Variants in ACP7 observed in about 807,000 individuals in gnomAD.
ACP7 encodes the protein acid phosphatase type 7.
A neutral mutation model predicts 60.6 loss-of-function variants in ACP7; 58 were observed. The ratio of observed to expected loss-of-function variants is 0.96; its 90% CI spans 0.77 to 1.19. ACP7 has a LOEUF of 1.19. Among genes scored for constraint, ACP7 ranks in the 50% most tolerant of loss-of-function variants. The pLI is 0.00. For synonymous variants in ACP7, 237 were observed against 232.6 expected (o/e 1.02, Z -0.17); for missense variants, 574 against 596.2 (o/e 0.96, Z 0.39).
chr19:39,088,933 C>CG (rs1568474424), intron 2 of ACP7, among the ~76,000 whole-genome samples: 24 of 140,720 alleles, frequency 1.7e-4, no homozygotes, highest in African/African-American at 5.6e-4. Flanking sequence ...TGTATTTTTG[C>CG]ATTTTTTTTT....
intron 2 of ACP7, among the ~76,000 whole-genome samples, chr19:39,098,228 T>C (rs371187074): frequency 1.7e-5 from 2 of 116,526 alleles, no homozygotes; most frequent in African/African-American, 6.8e-5. Context: ...TACTCCAGCC[T>C]AGGAGGCAGA....
Position 39,103,658 on chromosome 19 carries a change from C to A in ACP7, c.1113+2121C>A, listed in dbSNP as rs368680516. 2.0e-5 allele frequency among the ~76,000 whole-genome samples: 3 copies of A among 150,522 alleles called. No individual in the cohort carries two copies. The East Asian group carries it at 6.0e-4, about 30-fold the overall frequency. On this transcript the variant is annotated intron_variant, in intron 11 of 12. Transcript: ENST00000331256. Reference sequence around the variant, plus strand: ...TCTGGGCAACATGGTGAAACCCCATCGCTATCAAAAAATACAAAATTTAGC... The same window carrying A: ...TCTGGGCAACATGGTGAAACCCCATAGCTATCAAAAAATACAAAATTTAGC...
chr19:39,105,440 A>C (rs964447205), intron 11 of ACP7, among the ~76,000 whole-genome samples: 4 of 152,164 alleles, frequency 2.6e-5, no homozygotes, highest in African/African-American at 4.8e-5. Context: ...ATGTCTGCTC[A>C]TGATTAGATA....
At chr19:39,093,403 G>A (rs921363319) in intron 2 of ACP7, among the ~76,000 whole-genome samples, 7 of 151,674 alleles carry the variant, frequency 4.6e-5, no homozygotes, top group African/African-American at 7.3e-5. Flanking sequence ...ACAGGCACGC[G>A]CCACCCTGCC....
At position 39,100,722 on chromosome 19, in the gene ACP7, C is replaced by A; in HGVS notation, c.693-17C>A. ...GGGGAGCCCTGGTCCCTGACCCCTG[C>A]CCTTTGACTCCTCCAGCTGGGATCT... On this transcript the variant is annotated splice_polypyrimidine_tract_variant and intron_variant, in intron 6 of 12. Coordinates refer to ENST00000331256, the MANE Select transcript of ACP7 (RefSeq NM_001004318.3). The A allele has an allele frequency of 6.2e-7, 1 of 1,613,310 alleles. No homozygotes were observed. Among genetic ancestry groups the A allele is most frequent in the East Asian group, 2.2e-5 (1 of 44,884 alleles).
At chr19:39,108,607 G>T (rs1446590467) in intron 12 of ACP7, among the ~76,000 whole-genome samples, 1 of 152,082 alleles carries the variant, frequency 6.6e-6, no homozygotes, top group East Asian at 1.9e-4. Flanking sequence ...TGAGGCAGGG[G>T]AAGATAAAGA....
chr19:39,093,528 G>A (rs1354319905), intron 2 of ACP7, among the ~76,000 whole-genome samples: 2 of 151,312 alleles, frequency 1.3e-5, no homozygotes, highest in African/African-American at 4.9e-5. Context: ...TGCTGGGATT[G>A]CAGGCATGAG....
rs183927268 is a variant in ACP7 at position 39,089,312 on chromosome 19, C to T, written c.121+3922C>T. ...TGAACTCCTGGCCTCAAGTGATCCA[C>T]CCGCCTCGGCCTCCCAAACTGCTGG... is the stretch of plus-strand genomic sequence containing the variant. On this transcript the variant is annotated intron_variant, in intron 2 of 12. Transcript: ENST00000331256. 3.9e-3 allele frequency among the ~76,000 whole-genome samples: 589 copies of T among 152,264 alleles called. 4 individuals carry two copies. Among genetic ancestry groups the T allele is most frequent in the African/African-American group, 0.014 (571 of 41,550 alleles).
intron 2 of ACP7, among the ~76,000 whole-genome samples, chr19:39,096,773 G>A (rs1186341754): frequency 6.6e-6 from 1 of 152,178 alleles, no homozygotes; most frequent in Non-Finnish European, 1.5e-5. Context: ...AATCATGGCA[G>A]AAGGTGAAAG....
intron 12 of ACP7, among the ~76,000 whole-genome samples, chr19:39,109,097 C>T (rs1279152250): frequency 6.6e-6 from 1 of 152,184 alleles, no homozygotes; most frequent in Non-Finnish European, 1.5e-5. Flanking sequence ...GCTGGGATTA[C>T]AGGCATGAGC....
chr19:39,084,188 G>A (rs1385370765), upstream of ACP7: 1 of 152,308 alleles, frequency 6.6e-6, no homozygotes, highest in Non-Finnish European at 1.5e-5. Flanking sequence ...TGGTGGGGTG[G>A]GCGGGTGGGT....
chr19:39,098,579 T>A lies in ACP7; in HGVS notation c.243T>A (p.Phe81Leu). ...PLRAQGTFVP[F>L]VDGGILRRKL... is the part of the protein sequence containing the mutation. The stretch of plus-strand genomic sequence containing the variant: ...GCGCCCAGGGCACCTTCGTCCCCTT[T>A]GTGGACGGGGGCATTCTCCGGCGGA... Residue 81 changes from phenylalanine (F) to leucine (L), a missense_variant, in exon 3 of 13, where the codon TTT (phenylalanine) becomes TTA (leucine). Physicochemically the swap from Phe to Leu is conservative, Grantham distance 22. Coordinates refer to ENST00000331256, the MANE Select transcript of ACP7 (RefSeq NM_001004318.3). 1 of 1,613,626 alleles carries A rather than the reference T, an allele frequency of 6.2e-7. No homozygotes were observed. The highest frequency in any genetic ancestry group is 8.5e-7 in the Non-Finnish European group (1 of 1,179,802).
At chr19:39,087,800 A>C (rs2073161746) in intron 2 of ACP7, among the ~76,000 whole-genome samples, 1 of 151,772 alleles carries the variant, frequency 6.6e-6, no homozygotes, top group South Asian at 2.1e-4. Flanking sequence ...CACCTGGCTA[A>C]TTTTTGTATT....
intron 11 of ACP7, among the ~76,000 whole-genome samples, chr19:39,106,526 T>C (rs966117924): frequency 6.6e-6 from 1 of 152,092 alleles, no homozygotes; most frequent in Non-Finnish European, 1.5e-5. Flanking sequence ...CCAAGTCTTT[T>C]TGTTTTTGTT....
chr19:39,097,415 T>A (rs201818816), intron 2 of ACP7, among the ~76,000 whole-genome samples: 5 of 127,382 alleles, frequency 3.9e-5, no homozygotes, highest in African/African-American at 1.1e-4. Context: ...AAAAAAAAAA[T>A]TAGCTGGGCA....
intron 6 of ACP7, 22 bp downstream of exon 6, chr19:39,100,664 A>C: frequency 6.2e-7 from 1 of 1,613,116 alleles, no homozygotes; most frequent in Non-Finnish European, 8.5e-7. Flanking sequence ...GTGCTGGGGG[A>C]CTGGCCCTCT....
chr19:39,109,597 T>C (rs564377), intron 12 of ACP7, among the ~76,000 whole-genome samples: 83,689 of 149,154 alleles, frequency 0.56, 23,719 homozygotes, highest in African/African-American at 0.6. Flanking sequence ...CCCAGCTACT[T>C]GGGAGGCTGG....
In ACP7 at chr19:39,088,935, T is replaced by G. The variant is rs940892083; in HGVS notation, c.121+3545T>G. On this transcript the variant is annotated intron_variant, in intron 2 of 12. Transcript: ENST00000331256. Reference sequence around the variant, plus strand: ...TGATTTTTGTATTTGTATTTTTGCATTTTTTTTTTTTTGAGTCGTAGTCTC... The same window carrying G: ...TGATTTTTGTATTTGTATTTTTGCAGTTTTTTTTTTTTGAGTCGTAGTCTC... 3.4e-3 allele frequency among the ~76,000 whole-genome samples: 329 copies of G among 95,416 alleles called. 1 individual carries two copies. Among genetic ancestry groups the G allele is most frequent in the African/African-American group, 9.5e-3 (303 of 31,914 alleles). 62.6% of individuals were successfully genotyped at this position (95,416 alleles called of 152,430 possible). A position where few individuals can be genotyped will look rare whatever the true frequency, so the allele number is the denominator to read the frequency against.
In ACP7 at chr19:39,098,513, A is replaced by C. The variant is rs1319515370; in HGVS notation, c.177A>C (p.Glu59Asp). The C allele has an allele frequency of 1.2e-6, 2 of 1,609,214 alleles. No individual in the cohort carries two copies. Among genetic ancestry groups the C allele is most frequent in the Admixed American group, 1.7e-5 (1 of 59,416 alleles). The change falls in exon 3 of 13, where the codon GAA (glutamate) becomes GAC (aspartate). Residue 59 changes from glutamate to aspartate, a missense_variant. Physicochemically the swap from Glu to Asp is conservative, Grantham distance 45. Coordinates refer to ENST00000331256, the MANE Select transcript of ACP7 (RefSeq NM_001004318.3). ...CCACATGGGTCCCAACCCGCTCTGA[A>C]GTGCAATTCGGGTTGCAGCCGTCGG... ...TWTTWVPTRSEVQFGLQPSGP... is the reference protein window; with the variant it reads ...TWTTWVPTRSDVQFGLQPSGP...
Sources: gnomAD v4.1 joint callset for allele counts (sites outside exome capture counted in the v4.1 genomes callset) on GRCh38, gnomAD v4.1.1 for gene constraint, MANE v1.5 for transcripts, NCBI Gene and HGNC (gene_info 2026-07-23, HGNC 2026-07-21) for gene names.